MED13L: variants seen among roughly 807,000 people sequenced by gnomAD.
The protein encoded by MED13L is mediator of RNA polymerase II transcription subunit 13-like.
Under a neutral mutation model 220.9 loss-of-function variants are expected in MED13L, and 7 were observed. The observed-to-expected ratio is 0.03, with a 90% CI of 0.02 to 0.06. MED13L has a LOEUF of 0.06. Among genes scored for constraint, MED13L ranks in the 10% least tolerant of loss-of-function variants. The pLI, the probability that MED13L is intolerant of heterozygous loss-of-function variation, is 1.00. For missense variants in MED13L, 1,965 were observed against 2,760.5 expected (o/e 0.71, Z 6.46); for synonymous variants, 1,011 against 1,015.2 (o/e 1.00, Z 0.08).
intron 18 of MED13L, 105 bp from the exon 19 acceptor site, chr12:115,986,594 C>T: frequency 2.9e-6 from 3 of 1,038,054 alleles, no homozygotes; most frequent in Non-Finnish European, 4.4e-6. Flanking sequence ...TCTGAAATGT[C>T]ACTCCATGTT....
rs1875720077 is a variant in MED13L at position 115,960,981 on chromosome 12, A to ACCACC, written c.*280_*284dup. 4.5e-6 allele frequency: 2 copies of ACCACC among 448,466 alleles called. No homozygotes were observed. Among genetic ancestry groups the ACCACC allele is most frequent in the Non-Finnish European group, 8.3e-6 (2 of 240,510 alleles). The allele number at this position is 448,466 out of a possible 1,614,324, so 27.8% of individuals were successfully genotyped here. ...GTTTCCCGCTGAAAAGCCATCAACC[A>ACCACC]CCACCACTTCCTGGGGACCAGTGGT... is the stretch of plus-strand genomic sequence containing the variant. On this transcript the variant is annotated 3_prime_UTR_variant, in exon 31 of 31. Transcript: ENST00000281928.
intron 4 of MED13L, among the ~76,000 whole-genome samples, chr12:116,030,273 A>C (rs1265239558): frequency 6.6e-6 from 1 of 152,110 alleles, no homozygotes; most frequent in African/African-American, 2.4e-5. Context: ...TTAGTTAGAA[A>C]TCAACAGTTT....
chr12:116,179,149 T>C (rs908575919), intron 2 of MED13L, among the ~76,000 whole-genome samples: 1 of 152,100 alleles, frequency 6.6e-6, no homozygotes. Context: ...TTTAATGAAT[T>C]AAATCCAAAG....
At chr12:116,142,190 A>G (rs1877136911) in intron 2 of MED13L, among the ~76,000 whole-genome samples, 1 of 152,134 alleles carries the variant, frequency 6.6e-6, no homozygotes, top group Admixed American at 6.5e-5. Context: ...GGTATATTTT[A>G]TGTGTTTACT....
chr12:115,977,099 C>T (rs1332430074), intron 23 of MED13L, among the ~76,000 whole-genome samples: 1 of 152,172 alleles, frequency 6.6e-6, no homozygotes, highest in East Asian at 1.9e-4. Flanking sequence ...GCTGCAGTGA[C>T]CCAGGTTCAT....
intron 2 of MED13L, among the ~76,000 whole-genome samples, chr12:116,189,838 C>T (rs1026402635): frequency 6.6e-6 from 1 of 152,104 alleles, no homozygotes; most frequent in Admixed American, 6.5e-5. Context: ...TACATATGGT[C>T]ATTGCTAGTA....
chr12:115,977,201 C>T (rs1876997822), intron 23 of MED13L, among the ~76,000 whole-genome samples: 1 of 152,174 alleles, frequency 6.6e-6, no homozygotes, highest in Non-Finnish European at 1.5e-5. Context: ...CATTCAAGTA[C>T]AGGCTGCAGG....
chr12:116,030,829 A>G (rs977665277), intron 4 of MED13L, among the ~76,000 whole-genome samples: 5 of 152,118 alleles, frequency 3.3e-5, no homozygotes, highest in Non-Finnish European at 7.4e-5. Context: ...CTATAAAAAT[A>G]AAAGAATTTG....
At position 115,987,099 on chromosome 12, in the gene MED13L, A is replaced by AAGACCCT; in HGVS notation, c.4114+3_4114+9dup. 6.2e-7 allele frequency: 1 copy of AAGACCCT among 1,613,948 alleles called. No individual in the cohort carries two copies. Among genetic ancestry groups the AAGACCCT allele is most frequent in the Non-Finnish European group, 8.5e-7 (1 of 1,179,842 alleles). ...GTCAGAAGGAATTTTAAACAGGACAAAGACCCTACCGTAGGTTCCCCGTCC... is the reference window on the plus strand; with the variant it reads ...GTCAGAAGGAATTTTAAACAGGACAAAGACCCTAGACCCTACCGTAGGTTCCCCGTCC... On this transcript the variant is annotated intron_variant, in intron 18 of 30. Coordinates refer to ENST00000281928, the MANE Select transcript of MED13L (RefSeq NM_015335.5).
chr12:115,959,109 G>A lies in MED13L; in HGVS notation c.*2157C>T, dbSNP rs1341541954. 6.6e-6 allele frequency: 1 copy of A among 152,322 alleles called. No homozygotes were observed. Among genetic ancestry groups the A allele is most frequent in the Non-Finnish European group, 1.5e-5 (1 of 67,990 alleles). The allele number at this position is 152,322 out of a possible 1,614,324, so 9.4% of individuals were successfully genotyped here. A position where few individuals can be genotyped will look rare whatever the true frequency, so the allele number is the denominator to read the frequency against. On this transcript the variant is annotated 3_prime_UTR_variant, in exon 31 of 31. Coordinates refer to ENST00000281928, the MANE Select transcript of MED13L (RefSeq NM_015335.5). ...ACAAGTAAAATAATGCATATTTAAG[G>A]GAAATATTATACAGACTTTTTCACA...
intron 4 of MED13L, among the ~76,000 whole-genome samples, chr12:116,030,771 C>T (rs1298746063): frequency 6.6e-6 from 1 of 152,046 alleles, no homozygotes; most frequent in Admixed American, 6.5e-5. Flanking sequence ...ACTATAAATA[C>T]AGTAACTTTA....
At chr12:115,970,572 T>A in intron 27 of MED13L, 22 bp downstream of exon 27, 1 of 1,611,254 alleles carries the variant, frequency 6.2e-7, no homozygotes, top group Non-Finnish European at 8.5e-7. Flanking sequence ...GTGAGCACTA[T>A]CCATACAGGT....
intron 2 of MED13L, among the ~76,000 whole-genome samples, chr12:116,235,479 C>T (rs1029040767): frequency 2.6e-5 from 4 of 152,102 alleles, no homozygotes; most frequent in African/African-American, 9.7e-5. Flanking sequence ...ATCTAAAACT[C>T]TTTCAGACTT....
chr12:116,086,842 A>G lies in MED13L; in HGVS notation c.479+9827T>C, dbSNP rs558363322. Among the ~76,000 whole-genome samples the G allele has an allele frequency of 9.8e-4, 150 of 152,306 alleles. 1 individual carries two copies. The South Asian group carries it at 0.01, about 11-fold the overall frequency. On this transcript the variant is annotated intron_variant, in intron 4 of 30. Transcript: ENST00000281928. ...TCCATAAAAGGATAGCAACAGAACC[A>G]CAATGCTAGTAAACACCATATTTTC...
chr12:115,991,240 A>C lies in MED13L; in HGVS notation c.3714T>G (p.Ala1238=), dbSNP rs749014322. The C allele has an allele frequency of 3.1e-6, 5 of 1,614,110 alleles. No individual in the cohort carries two copies. The highest frequency in any genetic ancestry group is 1.3e-5 in the African/African-American group (1 of 74,938). Residue 1238 remains alanine (A), a synonymous_variant, in exon 17 of 31, where the codon GCT becomes GCG. Coordinates refer to ENST00000281928, the MANE Select transcript of MED13L (RefSeq NM_015335.5). This position sits in a 1 kb window ranked among gnomAD's most constrained non-coding sequence, Gnocchi z 7.7. ...AAATGTAGTCCAGGAAATTCAGTGA[A>C]GCAAAAGGTTGTGTGTGTTGATTCT... The part of the protein sequence containing the change: ...LLQNQHTQPF[A]SLNFLDYISS...
chr12:116,067,329 T>C (rs939555871), intron 4 of MED13L, among the ~76,000 whole-genome samples: 1 of 152,200 alleles, frequency 6.6e-6, no homozygotes, highest in Non-Finnish European at 1.5e-5. Flanking sequence ...GACTAATGTA[T>C]TATATACGTT....
At chr12:116,240,959 A>G (rs1271445210) in intron 1 of MED13L, among the ~76,000 whole-genome samples, 1 of 152,188 alleles carries the variant, frequency 6.6e-6, no homozygotes, top group Non-Finnish European at 1.5e-5. Context: ...TAAGCTAAAG[A>G]AAGTATTCTG....
At chr12:116,269,207 C>T (rs1159832039) in intron 1 of MED13L, among the ~76,000 whole-genome samples, 2 of 152,022 alleles carry the variant, frequency 1.3e-5, no homozygotes, top group African/African-American at 4.8e-5. Flanking sequence ...TACAGGCACA[C>T]ACCACCACGC....
chr12:116,174,497 T>C (rs1879905714), intron 2 of MED13L: 1 of 151,682 alleles, frequency 6.6e-6, no homozygotes, highest in South Asian at 2.1e-4. Context: ...GTTTTTTTTT[T>C]TTTACTGGGA....
Sources: gnomAD v4.1 joint callset for allele counts (sites outside exome capture counted in the v4.1 genomes callset) on GRCh38, gnomAD v4.1.1 for gene constraint, Gnocchi (gnomAD v3.1) non-coding constraint, MANE v1.5 for transcripts, NCBI Gene and HGNC (gene_info 2026-07-23, HGNC 2026-07-21) for gene names.